The following TP73 variants were observed in gnomAD, a reference collection of about 807,000 sequenced individuals.
The protein encoded by TP73 is tumor protein p73.
A neutral mutation model predicts 62.5 loss-of-function variants in TP73; 25 were observed. That is an observed-to-expected ratio of 0.40 (90% CI 0.29 to 0.56). TP73 has a LOEUF of 0.56. TP73 is among the 20% of genes least tolerant of loss of function. TP73 has a pLI of 0.46. For missense variants in TP73, 754 were observed against 913.3 expected, an observed-to-expected ratio of 0.83 and a Z score of 2.25; for synonymous variants, 423 against 377.5, an observed-to-expected ratio of 1.12 and a Z score of -1.40.
rs576101803 is a variant in TP73, at chr1:3,682,357, G to A, written c.-9G>A. 12 of 1,533,860 alleles carry A rather than the reference G, an allele frequency of 7.8e-6. No homozygotes were observed. Among genetic ancestry groups the A allele is most frequent in the South Asian group, 4.9e-5 (4 of 82,252 alleles). On this transcript the variant is annotated 5_prime_UTR_variant, in exon 2 of 14. In the 5' UTR this introduces an upstream ATG that the reference lacks. Transcript: ENST00000378295. Reference sequence around the variant, plus strand: ...GAGCGAGCTGCCCTCGGAGGCCGGCGTGGGGAAGATGGCCCAGTCCACCGC... The same window carrying A: ...GAGCGAGCTGCCCTCGGAGGCCGGCATGGGGAAGATGGCCCAGTCCACCGC...
intron 3 of TP73, among the ~76,000 whole-genome samples, chr1:3,687,501 G>A (rs906966660): frequency 6.6e-6 from 1 of 152,220 alleles, no homozygotes; most frequent in African/African-American, 2.4e-5. Context: ...GCAGTGCTGG[G>A]CCTGGGCTTG....
chr1:3,710,132 T>C (rs1557550309), intron 4 of TP73, among the ~76,000 whole-genome samples: 1 of 136,278 alleles, frequency 7.3e-6, no homozygotes, highest in Non-Finnish European at 1.5e-5. Context: ...AAGCTGTGCC[T>C]GGTGCCCAGC....
rs1032071346 is a variant in TP73 at position 3,678,907 on chromosome 1, G to T, written c.-33-3426G>T. 4.6e-5 allele frequency among the ~76,000 whole-genome samples: 7 copies of T among 152,344 alleles called. No individual in the cohort carries two copies. In the South Asian group the frequency reaches 1.5e-3, roughly 32 times the overall value. ...CCCACATCTCAGGCAAACAGGCCTG[G>T]GGATGTTTGGGGACCCAACTCCTGG... On this transcript the variant is annotated intron_variant, in intron 1 of 13. Transcript: ENST00000378295.
chr1:3,671,893 G>A (rs113206970), intron 1 of TP73, among the ~76,000 whole-genome samples: 5 of 151,232 alleles, frequency 3.3e-5, no homozygotes, highest in African/African-American at 4.9e-5. Flanking sequence ...GGGGCTGAGC[G>A]GCCACCACTG....
intron 3 of TP73, among the ~76,000 whole-genome samples, chr1:3,702,499 A>G (rs1276063883): frequency 6.6e-6 from 1 of 152,110 alleles, no homozygotes; most frequent in African/African-American, 2.4e-5. Flanking sequence ...CCCAGCCCAG[A>G]GCTAATCTCC....
chr1:3,697,984 C>A, intron 3 of TP73: 1 of 664,428 alleles, frequency 1.5e-6, no homozygotes, highest in Non-Finnish European at 1.9e-6. Context: ...TCCCTGTACC[C>A]TGCACTGCAC....
At chr1:3,688,056 A>G (rs1228361738) in intron 3 of TP73, among the ~76,000 whole-genome samples, 1 of 152,150 alleles carries the variant, frequency 6.6e-6, no homozygotes, top group Non-Finnish European at 1.5e-5. Context: ...GCAGGCGGAC[A>G]GAGGGAGAAG....
chr1:3,664,152 C>T (rs1279806481), intron 1 of TP73, among the ~76,000 whole-genome samples: 1 of 152,224 alleles, frequency 6.6e-6, no homozygotes, highest in Non-Finnish European at 1.5e-5. Flanking sequence ...AGTCTGGGCA[C>T]GGGCCCCTGG....
At chr1:3,724,229 G>A (rs1641325622) in intron 6 of TP73, among the ~76,000 whole-genome samples, 1 of 152,142 alleles carries the variant, frequency 6.6e-6, no homozygotes, top group Non-Finnish European at 1.5e-5. Flanking sequence ...TGGTGGGGCA[G>A]GGGCAGAACA....
rs751675357 is a variant in TP73 at position 3,733,466 on chromosome 1, G to A, written c.*387G>A. ...CCCAACCAGGCGAGGTCCTTCCAAAGGAAAGGATCCTCTTTGCTGATGGAC... is the reference window on the plus strand; with the variant it reads ...CCCAACCAGGCGAGGTCCTTCCAAAAGAAAGGATCCTCTTTGCTGATGGAC... On this transcript the variant is annotated 3_prime_UTR_variant, in exon 14 of 14. Coordinates refer to ENST00000378295, the MANE Select transcript of TP73 (RefSeq NM_005427.4). 65 of 277,258 alleles carry A rather than the reference G, an allele frequency of 2.3e-4. No individual in the cohort carries two copies. The highest frequency in any genetic ancestry group is 4.0e-4 in the Non-Finnish European group (58 of 145,008). 17.2% of individuals were successfully genotyped at this position (277,258 alleles called of 1,614,324 possible). A position where few individuals can be genotyped will look rare whatever the true frequency, so the allele number is the denominator to read the frequency against.
rs761898929 is a variant in TP73, at chr1:3,707,692, G to A, written c.330G>A (p.Ser110=). 2.8e-5 allele frequency: 45 copies of A among 1,613,056 alleles called. No homozygotes were observed. Among genetic ancestry groups the A allele is most frequent in the Middle Eastern group, 3.3e-4 (2 of 6,084 alleles). ...AQPSSTFDTM[S]PAPVIPSNTD... The stretch of plus-strand genomic sequence containing the variant: ...CCAGCTCCACCTTCGACACCATGTC[G>A]CCGGCGCCTGTCATCCCCTCCAACA... Residue 110 remains serine, a synonymous_variant, in exon 4 of 14, where the codon TCG becomes TCA. Transcript: ENST00000378295.
chr1:3,703,830 A>C (rs1639407896), intron 3 of TP73, among the ~76,000 whole-genome samples: 1 of 152,114 alleles, frequency 6.6e-6, no homozygotes, highest in African/African-American at 2.4e-5. Context: ...GAGCCCCGGG[A>C]TGTTCTTGCC....
intron 1 of TP73, among the ~76,000 whole-genome samples, chr1:3,671,332 G>C (rs1446559285): frequency 3.9e-5 from 6 of 152,176 alleles, no homozygotes; most frequent in Admixed American, 3.9e-4. Context: ...ACCCTGTCCA[G>C]CTCCAGTTGC....
At chr1:3,661,063 C>G (rs1644976957) in intron 1 of TP73, among the ~76,000 whole-genome samples, 1 of 152,150 alleles carries the variant, frequency 6.6e-6, no homozygotes, top group Non-Finnish European at 1.5e-5. Flanking sequence ...TACAGTGCTT[C>G]CATGCAAATT....
At chr1:3,679,310 T>C (rs966409979) in intron 1 of TP73, among the ~76,000 whole-genome samples, 3 of 152,244 alleles carry the variant, frequency 2.0e-5, no homozygotes, top group African/African-American at 7.2e-5. Context: ...CTGTGAGCCC[T>C]GAGCCCTGCG....
intron 3 of TP73, among the ~76,000 whole-genome samples, chr1:3,705,460 G>A (rs765686627): frequency 7.2e-5 from 11 of 152,250 alleles, no homozygotes; most frequent in Non-Finnish European, 1.2e-4. Flanking sequence ...ACTGGTGGGT[G>A]GGCTCCCCAG....
At position 3,704,200 on chromosome 1, in the gene TP73, C is replaced by T. The variant is rs574391494; in HGVS notation, c.187-3349C>T. Among the ~76,000 whole-genome samples the T allele has an allele frequency of 2.1e-4, 32 of 152,300 alleles. No individual in the cohort carries two copies. In the South Asian group the frequency reaches 5.6e-3, roughly 27 times the overall value. On this transcript the variant is annotated intron_variant, in intron 3 of 13. Coordinates refer to ENST00000378295, the MANE Select transcript of TP73 (RefSeq NM_005427.4). The stretch of plus-strand genomic sequence containing the variant: ...GTGTAATTCTGCTTTTTCTAGTAGC[C>T]GCATTCAAAAAGGTGGAAAGGAGCT...
At chr1:3,665,348 C>A (rs1645087199) in intron 1 of TP73, among the ~76,000 whole-genome samples, 1 of 152,092 alleles carries the variant, frequency 6.6e-6, no homozygotes, top group Non-Finnish European at 1.5e-5. Flanking sequence ...TATTGGTAAA[C>A]AGGATGCTAA....
chr1:3,676,159 C>T lies in TP73; in HGVS notation c.-33-6174C>T, dbSNP rs144448250. ...GGGGGACAAGGAGGGGACAGGAGGACGGGGACAGGGAGGGGACACAGAAAC... is the reference window on the plus strand; with the variant it reads ...GGGGGACAAGGAGGGGACAGGAGGATGGGGACAGGGAGGGGACACAGAAAC... On this transcript the variant is annotated intron_variant, in intron 1 of 13. Transcript: ENST00000378295. Among the ~76,000 whole-genome samples the T allele has an allele frequency of 2.9e-3, 349 of 121,912 alleles. 3 individuals carry two copies. Among genetic ancestry groups the T allele is most frequent in the African/African-American group, 0.011 (327 of 30,930 alleles). The allele number at this position is 121,912 out of a possible 152,430, so 80.0% of individuals were successfully genotyped here.
Sources: allele counts gnomAD v4.1 joint callset (sites outside exome capture counted in the v4.1 genomes callset), GRCh38; gene constraint gnomAD v4.1.1; transcripts MANE v1.5; gene names NCBI Gene and HGNC (gene_info 2026-07-23, HGNC 2026-07-21).